The following PRH1 variants were observed in gnomAD, a reference collection of about 807,000 sequenced individuals.
The protein encoded by PRH1 is salivary acidic proline-rich phosphoprotein 1/2.
PRH1 carries 7 observed loss-of-function variants against 7.9 expected under a neutral mutation model. The ratio of observed to expected loss-of-function variants is 0.89; its 90% CI spans 0.50 to 1.67. The LOEUF (loss-of-function observed/expected upper bound fraction) is 1.67. Ranked by LOEUF, PRH1 falls within the 40% of genes most tolerant of loss-of-function variation. PRH1 has a pLI of 0.00. For missense variants in PRH1, 109 were observed against 223.6 expected (o/e 0.49, Z 3.27); for synonymous variants, 45 against 80.8 (o/e 0.56, Z 2.38).
intron 1 of PRH1, among the ~76,000 whole-genome samples, chr12:11,020,587 T>C (rs1941570397): frequency 6.6e-6 from 1 of 151,992 alleles, no homozygotes; most frequent in Non-Finnish European, 1.5e-5. Flanking sequence ...ACACACTGTG[T>C]AATTTCACCA....
chr12:11,089,567 T>C (rs796217769), intron 1 of PRH1, among the ~76,000 whole-genome samples: 4,812 of 75,954 alleles, frequency 0.063, 329 homozygotes, highest in Non-Finnish European at 0.093. Context: ...CCACACGTCC[T>C]TGCCATTTTT....
chr12:11,025,283 C>A (rs1301419728), intron 1 of PRH1, among the ~76,000 whole-genome samples: 1 of 147,980 alleles, frequency 6.8e-6, no homozygotes, highest in African/African-American at 2.5e-5. Flanking sequence ...TTTGTATTTT[C>A]AGTAATTTTA....
At chr12:11,045,597 C>T (rs67863456) in intron 1 of PRH1, among the ~76,000 whole-genome samples, 32,214 of 151,908 alleles carry the variant, frequency 0.21, 4,022 homozygotes, top group Non-Finnish European at 0.27. Flanking sequence ...AAAAGAAATT[C>T]CTAAACTTCC....
intron 2 of PRH1, chr12:10,891,509 T>C (rs1949573061): frequency 6.6e-6 from 1 of 152,230 alleles, no homozygotes; most frequent in Non-Finnish European, 1.5e-5. Flanking sequence ...AGTCAACATG[T>C]TAGCTACCAG....
intron 1 of PRH1, chr12:11,031,170 C>T: frequency 6.2e-7 from 1 of 1,614,218 alleles, no homozygotes. Flanking sequence ...AGCAAACCAA[C>T]TCTGGAGACC....
At chr12:11,031,700 A>G (rs1291840039) in intron 1 of PRH1, among the ~76,000 whole-genome samples, 14 of 151,878 alleles carry the variant, frequency 9.2e-5, no homozygotes, top group Admixed American at 9.2e-4. Flanking sequence ...TGCTTGGTGT[A>G]TTTTAGAGCG....
intron 1 of PRH1, among the ~76,000 whole-genome samples, chr12:11,138,467 T>C (rs1946618257): frequency 6.6e-6 from 1 of 152,218 alleles, no homozygotes; most frequent in Non-Finnish European, 1.5e-5. Flanking sequence ...ACATGAATAG[T>C]ATTGTGAAAT....
chr12:11,081,673 T>G (rs1265124999), intron 1 of PRH1, among the ~76,000 whole-genome samples: 11 of 107,660 alleles, frequency 1.0e-4, no homozygotes, highest in Middle Eastern at 4.2e-3. Flanking sequence ...AAAATATCAT[T>G]GCAATAGATA....
At chr12:11,019,917 G>A (rs1941511216) in intron 1 of PRH1, among the ~76,000 whole-genome samples, 1 of 152,282 alleles carries the variant, frequency 6.6e-6, no homozygotes, top group Admixed American at 6.5e-5. Context: ...AGGTGACCCT[G>A]ACCCTGTGCA....
chr12:11,061,371 A>G, intron 1 of PRH1: 2 of 1,611,628 alleles, frequency 1.2e-6, no homozygotes, highest in Non-Finnish European at 1.7e-6. Context: ...GAATCTATGA[A>G]GATGAAGGCT....
At chr12:10,986,783 G>A (rs775714773) in intron 1 of PRH1, 1 of 1,590,514 alleles carries the variant, frequency 6.3e-7, no homozygotes, top group Non-Finnish European at 8.5e-7. Flanking sequence ...CCAGTGCTAT[G>A]AAGCCATTGG....
intron 1 of PRH1, among the ~76,000 whole-genome samples, chr12:11,141,614 A>C (rs1261756702): frequency 6.6e-6 from 1 of 152,218 alleles, no homozygotes; most frequent in East Asian, 1.9e-4. Context: ...AATCATCTGT[A>C]AAATACAGAT....
chr12:10,972,945 G>A (rs1337803220), intron 2 of PRH1, among the ~76,000 whole-genome samples: 5 of 59,206 alleles, frequency 8.4e-5, no homozygotes, highest in South Asian at 7.4e-4. Flanking sequence ...CCCCCCGCCC[G>A]CCCACACACA....
chr12:10,882,722 G>A, intron 2 of PRH1, 24 bp from the exon 3 acceptor site: 1 of 1,596,466 alleles, frequency 6.3e-7, no homozygotes, highest in Non-Finnish European at 8.5e-7. Context: ...AACAAGAAGA[G>A]CTGAGCTCAT....
At chr12:11,103,287 C>T (rs959129061) in intron 1 of PRH1, among the ~76,000 whole-genome samples, 2 of 152,070 alleles carry the variant, frequency 1.3e-5, no homozygotes, top group Non-Finnish European at 2.9e-5. Flanking sequence ...TTGGAACCAA[C>T]CCAAATGCCC....
At chr12:10,986,741 C>T in intron 1 of PRH1, 1 of 1,612,454 alleles carries the variant, frequency 6.2e-7, no homozygotes, top group Non-Finnish European at 8.5e-7. Flanking sequence ...CTGAGGAGAT[C>T]TTTTTTCTCT....
chr12:11,154,977 T>C (rs962978526), intron 1 of PRH1, among the ~76,000 whole-genome samples: 1 of 152,198 alleles, frequency 6.6e-6, no homozygotes, highest in Non-Finnish European at 1.5e-5. Flanking sequence ...TTGTAGTTAG[T>C]TTCATGGTGC....
intron 1 of PRH1, chr12:11,078,248 A>G: frequency 2.9e-6 from 1 of 341,868 alleles, no homozygotes; most frequent in Admixed American, 4.3e-5. Flanking sequence ...ACCATGTTTG[A>G]ACAGACAAAA....
chr12:10,987,468 A>G (rs80288667), intron 1 of PRH1, among the ~76,000 whole-genome samples: 4,198 of 152,164 alleles, frequency 0.028, 146 homozygotes, highest in African/African-American at 0.069. Context: ...ACACCTTAAA[A>G]TCTGGTTGCT....
Sources: gnomAD v4.1 joint callset for allele counts (sites outside exome capture counted in the v4.1 genomes callset) on GRCh38, gnomAD v4.1.1 for gene constraint, MANE v1.5 for transcripts, NCBI Gene and HGNC (gene_info 2026-07-23, HGNC 2026-07-21) for gene names.